Variants in GABBR2 observed in about 807,000 individuals in gnomAD.
The protein encoded by GABBR2 is G-protein coupled receptor 51.
In GABBR2, 23 loss-of-function variants were observed where a neutral mutation model predicts 105.6. The observed-to-expected ratio is 0.22, with a 90% confidence interval of 0.16 to 0.31. GABBR2 has a LOEUF of 0.31. GABBR2 is among the 10% of genes least tolerant of loss of function. GABBR2 has a pLI of 1.00. For synonymous variants in GABBR2, 478 were observed against 499.7 expected (o/e 0.96, Z 0.58); for missense variants, 734 against 1,245.5 (o/e 0.59, Z 6.18).
chr9:98,410,579 G>A (rs141728943), intron 7 of GABBR2, among the ~76,000 whole-genome samples: 187 of 149,294 alleles, frequency 1.3e-3, no homozygotes, highest in African/African-American at 4.4e-3. Context: ...AGGTGTCTGT[G>A]GGGCCCAGCA....
rs527300678 is a variant in GABBR2 at position 98,385,846 on chromosome 9, C to T, written c.1530-74G>A. ...ATTCCTTCAACAGGTATTTTCTAAACGCCTGCTAGATATATATTGTTGCTC... is the reference window on the plus strand; with the variant it reads ...ATTCCTTCAACAGGTATTTTCTAAATGCCTGCTAGATATATATTGTTGCTC... On this transcript the variant is annotated intron_variant, in intron 10 of 18. Transcript: ENST00000259455. 1.1e-4 allele frequency: 136 copies of T among 1,185,616 alleles called. No homozygotes were observed. The African/African-American group carries it at 1.3e-3, about 11-fold the overall frequency. 73.4% of individuals were successfully genotyped at this position (1,185,616 alleles called of 1,614,324 possible).
chr9:98,704,322 C>T (rs537382254), intron 1 of GABBR2, among the ~76,000 whole-genome samples: 6 of 152,362 alleles, frequency 3.9e-5, no homozygotes, highest in African/African-American at 1.4e-4. Flanking sequence ...TGGATCTTGG[C>T]ATCAGGGTGG....
chr9:98,413,261 T>C (rs1224409218), intron 7 of GABBR2, among the ~76,000 whole-genome samples: 1 of 152,144 alleles, frequency 6.6e-6, no homozygotes, highest in Non-Finnish European at 1.5e-5. Flanking sequence ...AAAGAAACAA[T>C]GCAGACTTTG....
chr9:98,427,003 G>A (rs1051972313), intron 7 of GABBR2, among the ~76,000 whole-genome samples: 173 of 152,250 alleles, frequency 1.1e-3, no homozygotes, highest in African/African-American at 3.7e-3. Context: ...AATCTGTCTC[G>A]AAAACAAACA....
At chr9:98,447,378 T>G (rs1313531283) in intron 7 of GABBR2, among the ~76,000 whole-genome samples, 1 of 152,136 alleles carries the variant, frequency 6.6e-6, no homozygotes, top group African/African-American at 2.4e-5. Flanking sequence ...AAAAGACTTC[T>G]ATGAGTAAAT....
At chr9:98,673,338 T>C (rs1457955833) in intron 1 of GABBR2, among the ~76,000 whole-genome samples, 2 of 152,194 alleles carry the variant, frequency 1.3e-5, no homozygotes, top group East Asian at 3.8e-4. Flanking sequence ...GCACTTTTTA[T>C]ACCAAGAATC....
chr9:98,509,198 A>C (rs1007998657), intron 3 of GABBR2, among the ~76,000 whole-genome samples: 3 of 152,234 alleles, frequency 2.0e-5, no homozygotes, highest in Non-Finnish European at 2.9e-5. Context: ...ACAGACCTGC[A>C]GCTGAGGGTC....
At chr9:98,587,982 G>T (rs1291999895) in intron 1 of GABBR2, among the ~76,000 whole-genome samples, 3 of 152,188 alleles carry the variant, frequency 2.0e-5, no homozygotes, top group Non-Finnish European at 4.4e-5. Context: ...TGTCTGGAAT[G>T]AGAATCATCG....
At position 98,563,580 on chromosome 9, in the gene GABBR2, C is replaced by T. The variant is rs118175966; in HGVS notation, c.459+14355G>A. ...GGGCCCAGAGTCTCAGAAGACACCC[C>T]GGATGTGAAGGAAGTCATTCCCTCA... On this transcript the variant is annotated intron_variant, in intron 2 of 18. Transcript: ENST00000259455. 6.8e-3 allele frequency among the ~76,000 whole-genome samples: 1,029 copies of T among 152,270 alleles called. 4 individuals carry two copies. The highest frequency in any genetic ancestry group is 0.011 in the Non-Finnish European group (723 of 68,018).
rs184901509 is a variant in GABBR2 at position 98,401,922 on chromosome 9, G to A, written c.1297+4159C>T. ...CGCCTGGCAGATGCTCAGGAAATGC[G>A]CACTGAATACAACCGTATCTGTTAC... On this transcript the variant is annotated intron_variant, in intron 8 of 18. Transcript: ENST00000259455. Among the ~76,000 whole-genome samples the A allele has an allele frequency of 5.1e-4, 77 of 152,248 alleles. 2 individuals are homozygous for A. The highest frequency in any genetic ancestry group is 9.1e-4 in the Non-Finnish European group (62 of 68,020).
intron 1 of GABBR2, among the ~76,000 whole-genome samples, chr9:98,693,340 A>G (rs1016990785): frequency 7.2e-5 from 11 of 152,232 alleles, no homozygotes; most frequent in Non-Finnish European, 1.0e-4. Flanking sequence ...TGATCTACAC[A>G]GATGCCATTC....
At chr9:98,334,086 T>C (rs1191245954) in intron 13 of GABBR2, among the ~76,000 whole-genome samples, 1 of 152,210 alleles carries the variant, frequency 6.6e-6, no homozygotes, top group Non-Finnish European at 1.5e-5. Flanking sequence ...TGCAGCTTTG[T>C]TGAAATCCTA....
At chr9:98,368,751 T>C (rs940792742) in intron 12 of GABBR2, among the ~76,000 whole-genome samples, 12 of 152,204 alleles carry the variant, frequency 7.9e-5, no homozygotes, top group Non-Finnish European at 1.8e-4. Context: ...GTTGTCATCC[T>C]GGTTCAAGAG....
Position 98,505,423 on chromosome 9 carries a change from G to GGTGTGTGTGTGT in GABBR2, c.631-8921_631-8910dup, listed in dbSNP as rs59702034. Among the ~76,000 whole-genome samples, 1,102 of 148,482 alleles carry GGTGTGTGTGTGT rather than the reference G, an allele frequency of 7.4e-3. 13 individuals carry two copies. The highest frequency in any genetic ancestry group is 0.024 in the African/African-American group (947 of 39,842). On this transcript the variant is annotated intron_variant, in intron 3 of 18. Coordinates refer to ENST00000259455, the MANE Select transcript of GABBR2 (RefSeq NM_005458.8). ...GTGGGTATATATCCAGCTGTATCCA[G>GGTGTGTGTGTGT]GTGTGTGTGTGTGTGTGTGTGTGTG...
chr9:98,599,760 C>T (rs940113852), intron 1 of GABBR2, among the ~76,000 whole-genome samples: 13 of 152,218 alleles, frequency 8.5e-5, no homozygotes, highest in Non-Finnish European at 1.5e-4. Context: ...GACCCCACCC[C>T]GCATGGCACC....
chr9:98,320,348 G>A (rs1030645879), intron 13 of GABBR2, among the ~76,000 whole-genome samples: 4 of 151,704 alleles, frequency 2.6e-5, no homozygotes, highest in African/African-American at 9.7e-5. Context: ...GAGAGGATGT[G>A]GAGAAATAGG....
intron 4 of GABBR2, among the ~76,000 whole-genome samples, chr9:98,492,353 A>AAAAAAAAAAAAAAAAAAAAAAAAAAAC (rs1827194410): frequency 7.9e-6 from 1 of 126,186 alleles, no homozygotes; most frequent in Non-Finnish European, 1.6e-5. Flanking sequence ...TCCTAGTAAA[A>AAAAAAAAAAAAAAAAAAAAAAAAAAAC]AAAAAAAAAA....
chr9:98,434,049 C>T (rs1177321449), intron 7 of GABBR2, among the ~76,000 whole-genome samples: 2 of 152,078 alleles, frequency 1.3e-5, no homozygotes, highest in Non-Finnish European at 2.9e-5. Context: ...AAAGGTGGGT[C>T]CACCCTCAAT....
At position 98,644,457 on chromosome 9, in the gene GABBR2, C is replaced by T. The variant is rs140980003; in HGVS notation, c.321+63960G>A. 7.0e-3 allele frequency among the ~76,000 whole-genome samples: 1,070 copies of T among 152,320 alleles called. 11 individuals carry two copies. Among genetic ancestry groups the T allele is most frequent in the Middle Eastern group, 0.024 (7 of 294 alleles). ...TAACCCAGATTCAGCCCCAGAGAGG[C>T]CTCTAGTGCAGGACAGTTCTCCAGG... On this transcript the variant is annotated intron_variant, in intron 1 of 18. Transcript: ENST00000259455.
Sources: gnomAD v4.1 joint callset for allele counts (sites outside exome capture counted in the v4.1 genomes callset) on GRCh38, gnomAD v4.1.1 for gene constraint, MANE v1.5 for transcripts, NCBI Gene and HGNC (gene_info 2026-07-23, HGNC 2026-07-21) for gene names.